Variants in PAX5 observed in about 807,000 individuals in gnomAD.
PAX5 encodes paired box 5, also known as paired box protein Pax-5.
A neutral mutation model predicts 43.7 loss-of-function variants in PAX5; 9 were observed. The observed-to-expected ratio is 0.21, with a 90% CI of 0.12 to 0.36. The LOEUF (loss-of-function observed/expected upper bound fraction) is 0.36, where lower values mean the gene tolerates loss of function less well. Ranked by LOEUF, PAX5 falls within the 10% of genes least tolerant of loss-of-function variation. The pLI is 1.00. For synonymous variants in PAX5, 228 were observed against 214.3 expected, an observed-to-expected ratio of 1.06 and a Z score of -0.56; for missense variants, 383 against 532.7, an observed-to-expected ratio of 0.72 and a Z score of 2.77.
At chr9:36,936,363 A>G (rs3758165) in intron 6 of PAX5, among the ~76,000 whole-genome samples, 125,549 of 152,216 alleles carry the variant, frequency 0.82, 52,308 homozygotes, top group East Asian at 0.92. Context: ...TCCAGAGCCT[A>G]ATGTGGACAA....
chr9:36,885,858 T>C (rs554215288), intron 7 of PAX5, among the ~76,000 whole-genome samples: 2 of 152,226 alleles, frequency 1.3e-5, no homozygotes, highest in East Asian at 3.9e-4. Context: ...ATTAAACTGG[T>C]TTTTAAAACC....
chr9:36,949,282 G>A (rs1356647698), intron 6 of PAX5, among the ~76,000 whole-genome samples: 4 of 152,110 alleles, frequency 2.6e-5, no homozygotes, highest in African/African-American at 7.2e-5. Flanking sequence ...GGATGGCCTC[G>A]ATCTCCTGAC....
chr9:37,020,811 A>T lies in PAX5; in HGVS notation c.47-10T>A. ...TTCACTCCTCCATGTCCTGAAACAG[A>T]TCAGAAACAAAAGGAAAGGGAAAGG... On this transcript the variant is annotated splice_polypyrimidine_tract_variant and intron_variant, in intron 1 of 9. Transcript: ENST00000358127. The T allele has an allele frequency of 1.2e-6, 2 of 1,613,554 alleles. No individual in the cohort carries two copies. Among genetic ancestry groups the T allele is most frequent in the Non-Finnish European group, 1.7e-6 (2 of 1,179,512 alleles).
chr9:37,026,435 TC>T, intron 1 of PAX5: 1 of 1,051,622 alleles, frequency 9.5e-7, no homozygotes, highest in Non-Finnish European at 1.3e-6. Flanking sequence ...GCTGCAGAGG[TC>T]CGAGATCCTT....
At chr9:36,845,504 C>G (rs1822479060) in intron 9 of PAX5, among the ~76,000 whole-genome samples, 1 of 152,244 alleles carries the variant, frequency 6.6e-6, no homozygotes, top group African/African-American at 2.4e-5. Flanking sequence ...TTCTGCCCCT[C>G]TTGGAGACCA....
At chr9:37,033,746 G>A (rs1232728197) in intron 1 of PAX5, among the ~76,000 whole-genome samples, 1 of 152,108 alleles carries the variant, frequency 6.6e-6, no homozygotes, top group East Asian at 1.9e-4. Flanking sequence ...GCAGACCCCC[G>A]GAAGGACGCC....
chr9:37,009,901 C>A (rs777260338), intron 3 of PAX5, among the ~76,000 whole-genome samples: 6 of 152,146 alleles, frequency 3.9e-5, no homozygotes, highest in Admixed American at 3.3e-4. Context: ...GGTAGCCACT[C>A]TCACACTGTT....
In PAX5 at chr9:36,836,477, A is replaced by G. The variant is rs1334134045; in HGVS notation, c.*4083T>C. On this transcript the variant is annotated 3_prime_UTR_variant, in exon 10 of 10. Transcript: ENST00000358127. ...TCACAGGCTGGTGCCCAGTGGGTCA[A>G]GTTTGGCCCATGGACATTTTTCTTT... 4.3e-6 allele frequency: 1 copy of G among 233,148 alleles called. No individual in the cohort carries two copies. The highest frequency in any genetic ancestry group is 8.5e-6 in the Non-Finnish European group (1 of 118,040). 14.4% of individuals were successfully genotyped at this position (233,148 alleles called of 1,614,324 possible). A position where few individuals can be genotyped will look rare whatever the true frequency, so the allele number is the denominator to read the frequency against.
At chr9:36,957,685 A>C (rs1270765909) in intron 6 of PAX5, among the ~76,000 whole-genome samples, 1 of 152,178 alleles carries the variant, frequency 6.6e-6, no homozygotes, top group African/African-American at 2.4e-5. Context: ...GTGTTACGCA[A>C]ATATTAACAC....
intron 8 of PAX5, among the ~76,000 whole-genome samples, chr9:36,860,509 C>T (rs1178341539): frequency 4.6e-5 from 7 of 152,084 alleles, no homozygotes; most frequent in East Asian, 1.9e-4. Flanking sequence ...GGCAGGGACT[C>T]GGTACTCAGT....
At chr9:36,994,377 T>C (rs1588169984) in intron 5 of PAX5, among the ~76,000 whole-genome samples, 1 of 152,116 alleles carries the variant, frequency 6.6e-6, no homozygotes, top group South Asian at 2.1e-4. Flanking sequence ...ACCTGCAGGG[T>C]ATAGAGCACA....
At chr9:36,970,478 G>C (rs117517721) in intron 5 of PAX5, among the ~76,000 whole-genome samples, 1 of 152,142 alleles carries the variant, frequency 6.6e-6, no homozygotes, top group Non-Finnish European at 1.5e-5. Flanking sequence ...GAGGAGCTAC[G>C]GGAAGGGCTG....
In PAX5 at chr9:36,837,291, G is replaced by A. The variant is rs984400673; in HGVS notation, c.*3269C>T. ...GAGTGGTTGAGGATTGCAAAGCACC[G>A]TACAATGTCAGTTATGGAAGGGCTA... On this transcript the variant is annotated 3_prime_UTR_variant, in exon 10 of 10. Coordinates refer to ENST00000358127, the MANE Select transcript of PAX5 (RefSeq NM_016734.3). 3.4e-5 allele frequency: 8 copies of A among 233,088 alleles called. No homozygotes were observed. Among genetic ancestry groups the A allele is most frequent in the South Asian group, 1.8e-4 (1 of 5,528 alleles). 14.4% of individuals were successfully genotyped at this position (233,088 alleles called of 1,614,324 possible).
rs1197914196 is a variant in PAX5 at position 36,973,135 on chromosome 9, AAAAGG to A, written c.605-6416_605-6412del. 1.9e-3 allele frequency among the ~76,000 whole-genome samples: 139 copies of A among 74,698 alleles called. 1 individual carries two copies. The highest frequency in any genetic ancestry group is 5.6e-3 in the East Asian group (18 of 3,228). 49.0% of individuals were successfully genotyped at this position (74,698 alleles called of 152,430 possible). A position where few individuals can be genotyped will look rare whatever the true frequency, so the allele number is the denominator to read the frequency against. ...GAAAGGAAAGGAAAGGAAAGGAAAGAAAAGGAAAGGAAAGGAAAGGAAAGGAAAGG... is the reference window on the plus strand; with the variant it reads ...GAAAGGAAAGGAAAGGAAAGGAAAGAAAAGGAAAGGAAAGGAAAGGAAAGG... On this transcript the variant is annotated intron_variant, in intron 5 of 9. Transcript: ENST00000358127.
intron 5 of PAX5, among the ~76,000 whole-genome samples, chr9:36,984,610 T>G (rs1444897600): frequency 6.6e-6 from 1 of 151,670 alleles, no homozygotes; most frequent in African/African-American, 2.4e-5. Context: ...CAGGCTAATT[T>G]TTTGTATTTT....
intron 1 of PAX5, chr9:37,026,830 G>A (rs1840432041): frequency 7.2e-6 from 4 of 554,232 alleles, no homozygotes; most frequent in African/African-American, 2.0e-5. Context: ...TCCCTCCCTG[G>A]CTGGCTCAAG....
At chr9:36,869,482 T>C (rs978602403) in intron 8 of PAX5, among the ~76,000 whole-genome samples, 11 of 152,348 alleles carry the variant, frequency 7.2e-5, no homozygotes, top group Non-Finnish European at 1.5e-4. Context: ...CCCTATTCTT[T>C]GATGTGTTTT....
At chr9:36,960,796 GC>G (rs1216643276) in intron 6 of PAX5, among the ~76,000 whole-genome samples, 1 of 152,188 alleles carries the variant, frequency 6.6e-6, no homozygotes, top group African/African-American at 2.4e-5. Context: ...AACCATCCAG[GC>G]CCCCTTGCAG....
At chr9:36,985,772 C>T (rs1294400620) in intron 5 of PAX5, among the ~76,000 whole-genome samples, 1 of 152,214 alleles carries the variant, frequency 6.6e-6, no homozygotes, top group Non-Finnish European at 1.5e-5. Flanking sequence ...CCCGAACTTC[C>T]CAAGCCACAG....
Sources: gnomAD v4.1 joint callset for allele counts (sites outside exome capture counted in the v4.1 genomes callset) on GRCh38, gnomAD v4.1.1 for gene constraint, MANE v1.5 for transcripts, NCBI Gene and HGNC (gene_info 2026-07-23, HGNC 2026-07-21) for gene names.